TRPM6: variants seen among roughly 807,000 people sequenced by gnomAD.
TRPM6 encodes the protein channel kinase 2.
TRPM6 carries 111 observed loss-of-function variants against 247.6 expected under a neutral mutation model. The observed-to-expected ratio is 0.45, with a 90% CI of 0.38 to 0.52. The LOEUF (loss-of-function observed/expected upper bound fraction) is 0.52. TRPM6 is among the 20% of genes least tolerant of loss of function. The pLI is 0.00. For synonymous variants in TRPM6, 892 were observed against 853.8 expected, an observed-to-expected ratio of 1.04 and a Z score of -0.78; for missense variants, 2,126 against 2,421.5, an observed-to-expected ratio of 0.88 and a Z score of 2.56.
chr9:74,765,642 C>T (rs920923471), intron 25 of TRPM6, among the ~76,000 whole-genome samples: 2 of 152,106 alleles, frequency 1.3e-5, no homozygotes, highest in African/African-American at 4.8e-5. Flanking sequence ...AAATGATTCC[C>T]GCTCTTATCT....
intron 1 of TRPM6, among the ~76,000 whole-genome samples, chr9:74,880,403 C>G (rs1043102978): frequency 6.6e-6 from 1 of 152,040 alleles, no homozygotes; most frequent in Non-Finnish European, 1.5e-5. Context: ...ACATTATAGT[C>G]AAACTGAAAG....
chr9:74,842,028 T>C (rs1277664088), intron 4 of TRPM6, 138 bp downstream of exon 4: 1 of 912,832 alleles, frequency 1.1e-6, no homozygotes, highest in Non-Finnish European at 1.7e-6. Context: ...GGAGAATCAC[T>C]TGAACCCGGG....
At chr9:74,887,098 C>G (rs1347286420) in intron 1 of TRPM6, 3 of 495,758 alleles carry the variant, frequency 6.1e-6, no homozygotes, top group East Asian at 6.7e-5. Context: ...CACCCTCCCT[C>G]TCCAAGCCCC....
Position 74,762,957 on chromosome 9 carries a change from C to T in TRPM6, c.3714G>A (p.Leu1238=), listed in dbSNP as rs775092171. 4 of 1,608,078 alleles carry T rather than the reference C, an allele frequency of 2.5e-6. No individual in the cohort carries two copies. The highest frequency in any genetic ancestry group is 1.7e-5 in the Admixed American group (1 of 59,640). ...VDTLQEDEAL[L]AKRKHSTCKK... is the part of the protein sequence containing the mutation. ...TGCAAGTAGAATGCTTTCTCTTGGC[C>T]AGGAGAGCCTCATCCTCTTGCAAAG... Residue 1238 remains leucine (L), a synonymous_variant, in exon 26 of 39, where the codon CTG becomes CTA. Transcript: ENST00000360774.
intron 12 of TRPM6, among the ~76,000 whole-genome samples, chr9:74,811,111 GAT>G (rs1489428883): frequency 6.6e-6 from 1 of 152,254 alleles, no homozygotes; most frequent in South Asian, 2.1e-4. Flanking sequence ...TGTGATAAGA[GAT>G]AGAAATGAAT....
intron 11 of TRPM6, among the ~76,000 whole-genome samples, chr9:74,814,415 A>G (rs1043145438): frequency 6.6e-6 from 1 of 152,180 alleles, no homozygotes; most frequent in Non-Finnish European, 1.5e-5. Flanking sequence ...GTCAATAATA[A>G]TTTAATTGTA....
chr9:74,774,625 AT>A (rs1827155454), intron 24 of TRPM6, among the ~76,000 whole-genome samples: 1 of 152,170 alleles, frequency 6.6e-6, no homozygotes, highest in Non-Finnish European at 1.5e-5. Flanking sequence ...ACCTAAACAC[AT>A]AAATAGCCCG....
rs557565238 is a variant in TRPM6, at chr9:74,861,585, G to A, written c.34-2837C>T. Among the ~76,000 whole-genome samples the A allele has an allele frequency of 6.6e-5, 10 of 152,170 alleles. No homozygotes were observed. The South Asian group carries it at 1.7e-3, about 25-fold the overall frequency. On this transcript the variant is annotated intron_variant, in intron 1 of 38. Transcript: ENST00000360774. ...GTAGGACTACCTGAACAAATTATTCGATTTCTTCATGCCTGTTTGTCTATC... is the reference window on the plus strand; with the variant it reads ...GTAGGACTACCTGAACAAATTATTCAATTTCTTCATGCCTGTTTGTCTATC...
intron 38 of TRPM6, among the ~76,000 whole-genome samples, chr9:74,727,237 C>T (rs1825360999): frequency 6.6e-6 from 1 of 152,008 alleles, no homozygotes; most frequent in African/African-American, 2.4e-5. Context: ...AAAAAATTAG[C>T]TGGGCATGGT....
chr9:74,771,941 T>A (rs75065580), intron 24 of TRPM6, 106 bp from the exon 25 acceptor site: 2 of 1,072,828 alleles, frequency 1.9e-6, no homozygotes, highest in South Asian at 1.3e-5. Context: ...CCTGTTGTGA[T>A]AAGTTTGTCA....
chr9:74,789,975 A>G (rs1827843867), intron 19 of TRPM6, among the ~76,000 whole-genome samples: 1 of 147,748 alleles, frequency 6.8e-6, no homozygotes, highest in Admixed American at 6.8e-5. Flanking sequence ...AAAAAAAAAA[A>G]AAAAAAAAAA....
intron 1 of TRPM6, among the ~76,000 whole-genome samples, chr9:74,862,882 G>A (rs1003200352): frequency 3.3e-5 from 5 of 151,958 alleles, no homozygotes; most frequent in African/African-American, 1.2e-4. Context: ...TCAGGAGGCT[G>A]AGGCATGAGA....
In TRPM6 at chr9:74,724,206, T is replaced by G. The variant is rs1825238685; in HGVS notation, c.*407A>C. On this transcript the variant is annotated 3_prime_UTR_variant, in exon 39 of 39. Coordinates refer to ENST00000360774, the MANE Select transcript of TRPM6 (RefSeq NM_017662.5). ...TATAGACATAAATACAATCTGTGGG[T>G]GAGGTGACAAATAGTAGTAGGGGGT... 7.9e-6 allele frequency: 2 copies of G among 253,098 alleles called. No homozygotes were observed. The highest frequency in any genetic ancestry group is 7.8e-6 in the Non-Finnish European group (1 of 129,014). 15.7% of individuals were successfully genotyped at this position (253,098 alleles called of 1,614,324 possible). A position where few individuals can be genotyped will look rare whatever the true frequency, so the allele number is the denominator to read the frequency against.
chr9:74,799,290 A>G (rs1389542529), intron 17 of TRPM6, among the ~76,000 whole-genome samples: 1 of 152,190 alleles, frequency 6.6e-6, no homozygotes, highest in Non-Finnish European at 1.5e-5. Flanking sequence ...GTAGTTCTTA[A>G]TAGTCACTCT....
intron 23 of TRPM6, among the ~76,000 whole-genome samples, chr9:74,778,988 T>C (rs1432619511): frequency 6.6e-6 from 1 of 152,122 alleles, no homozygotes; most frequent in African/African-American, 2.4e-5. Context: ...CTTACCTTCC[T>C]GGGGCTAAGA....
chr9:74,733,163 C>T (rs982749157), intron 36 of TRPM6, among the ~76,000 whole-genome samples: 1 of 151,284 alleles, frequency 6.6e-6, no homozygotes, highest in Non-Finnish European at 1.5e-5. Flanking sequence ...GATCACGCCA[C>T]TGCATTCAAG....
At chr9:74,727,674 C>T (rs887342115) in intron 38 of TRPM6, among the ~76,000 whole-genome samples, 16 of 152,226 alleles carry the variant, frequency 1.1e-4, no homozygotes, top group African/African-American at 3.9e-4. Context: ...GGGCACAGGC[C>T]TCCAGCTGCT....
chr9:74,733,011 C>T (rs1039675211), intron 36 of TRPM6, among the ~76,000 whole-genome samples: 1 of 151,880 alleles, frequency 6.6e-6, no homozygotes, highest in Admixed American at 6.6e-5. Context: ...CTGGCCAACA[C>T]GGTGAAATCC....
At chr9:74,856,058 T>C (rs1202154236) in intron 2 of TRPM6, among the ~76,000 whole-genome samples, 2 of 152,222 alleles carry the variant, frequency 1.3e-5, no homozygotes, top group African/African-American at 4.8e-5. Flanking sequence ...GGACATTTGG[T>C]ATAATTACAA....
Sources: gnomAD v4.1 joint callset for allele counts (sites outside exome capture counted in the v4.1 genomes callset) on GRCh38, gnomAD v4.1.1 for gene constraint, MANE v1.5 for transcripts, NCBI Gene and HGNC (gene_info 2026-07-23, HGNC 2026-07-21) for gene names.